The following GPHN variants were observed in gnomAD, a reference collection of about 807,000 sequenced individuals.
GPHN encodes gephyrin.
GPHN carries 17 observed loss-of-function variants against 95.5 expected under a neutral mutation model. The observed-to-expected ratio is 0.18, with a 90% CI of 0.12 to 0.27. GPHN has a LOEUF of 0.27. GPHN is among the 10% of genes least tolerant of loss of function. GPHN has a pLI of 1.00. For missense variants in GPHN, 660 were observed against 978.1 expected, an observed-to-expected ratio of 0.67 and a Z score of 4.34; for synonymous variants, 320 against 322.5, an observed-to-expected ratio of 0.99 and a Z score of 0.08.
chr14:67,158,179 T>C (rs1037899641), intron 18 of GPHN, among the ~76,000 whole-genome samples: 4 of 151,568 alleles, frequency 2.6e-5, no homozygotes, highest in Admixed American at 2.6e-4. Context: ...TAGTGGTGCA[T>C]GCCTGTAATC....
intron 2 of GPHN, among the ~76,000 whole-genome samples, chr14:66,735,549 G>A (rs1349417760): frequency 6.6e-6 from 1 of 152,110 alleles, no homozygotes; most frequent in East Asian, 1.9e-4. Context: ...CTACTAATTT[G>A]TTAGGATATA....
the GPHN span, among the ~76,000 whole-genome samples, chr14:67,392,172 C>T: frequency 2.6e-5 from 4 of 152,186 alleles, no homozygotes. Flanking sequence ...CTTTGACTTG[C>T]TCCTGGAGGC....
chr14:67,013,135 T>C (rs983356972), intron 9 of GPHN, among the ~76,000 whole-genome samples: 2 of 152,078 alleles, frequency 1.3e-5, no homozygotes, highest in African/African-American at 4.8e-5. Flanking sequence ...CAACACATAC[T>C]CTTTTTTATT....
At chr14:67,223,889 C>T in the GPHN span, 6 of 985,656 alleles carry the variant, frequency 6.1e-6, no homozygotes, top group South Asian at 2.3e-4. Context: ...CAAAGACTGG[C>T]TGAATCTTAA....
the GPHN span, among the ~76,000 whole-genome samples, chr14:67,284,248 C>T: frequency 6.6e-6 from 1 of 151,868 alleles, no homozygotes; most frequent in Non-Finnish European, 1.5e-5. Context: ...GTATAATTCA[C>T]ATACCATAAA....
chr14:67,655,303 G>A, the GPHN span, among the ~76,000 whole-genome samples: 2 of 152,038 alleles, frequency 1.3e-5, no homozygotes, highest in Non-Finnish European at 2.9e-5. Flanking sequence ...CTCCAGCCTG[G>A]GTGACAGAGC....
chr14:66,697,836 T>G (rs1308598575), intron 2 of GPHN, among the ~76,000 whole-genome samples: 2 of 151,952 alleles, frequency 1.3e-5, no homozygotes, highest in African/African-American at 4.8e-5. Context: ...TACAGGCATG[T>G]GCCACCACAG....
intron 1 of GPHN, among the ~76,000 whole-genome samples, chr14:66,638,445 GAAC>G (rs932440999): frequency 2.0e-5 from 3 of 151,662 alleles, no homozygotes; most frequent in East Asian, 1.9e-4. Flanking sequence ...AAAACAACAA[GAAC>G]AACAACGACA....
intron 1 of GPHN, among the ~76,000 whole-genome samples, chr14:66,632,142 G>A (rs186573450): frequency 5.3e-5 from 8 of 152,252 alleles, no homozygotes; most frequent in Admixed American, 5.2e-4. Context: ...TATAAAGAGG[G>A]GAGAGCAATG....
At chr14:67,262,574 G>A in the GPHN span, among the ~76,000 whole-genome samples, 3 of 151,984 alleles carry the variant, frequency 2.0e-5, no homozygotes, top group African/African-American at 4.8e-5. Context: ...ATGTGTAAAG[G>A]AATAAAACAT....
At chr14:66,782,464 T>C (rs2153464461) in intron 3 of GPHN, among the ~76,000 whole-genome samples, 1 of 152,270 alleles carries the variant, frequency 6.6e-6, no homozygotes, top group East Asian at 1.9e-4. Flanking sequence ...ATGGAGTAGC[T>C]TTATTCCTTC....
Position 66,973,764 on chromosome 14 carries a change from C to CA in GPHN, c.963+8446dup, listed in dbSNP as rs111461801. Among the ~76,000 whole-genome samples the CA allele has an allele frequency of 3.1e-3, 468 of 151,224 alleles. 10 individuals carry two copies. The highest frequency in any genetic ancestry group is 0.011 in the African/African-American group (443 of 41,236). ...CAGAGCAAGACTCTGTCTCAAAAAACAAAAAAAGAAAAGAAAAAAAGAAAT... is the reference window on the plus strand; with the variant it reads ...CAGAGCAAGACTCTGTCTCAAAAAACAAAAAAAAGAAAAGAAAAAAAGAAAT... On this transcript the variant is annotated intron_variant, in intron 9 of 22. Coordinates refer to ENST00000478722, the MANE Select transcript of GPHN (RefSeq NM_020806.5).
intron 2 of GPHN, among the ~76,000 whole-genome samples, chr14:66,687,565 C>T (rs1327999151): frequency 1.3e-5 from 2 of 150,038 alleles, no homozygotes; most frequent in Non-Finnish European, 3.0e-5. Context: ...CTCGGCTCAC[C>T]GCAACCTCTC....
At chr14:66,581,787 A>G (rs1273409689) in intron 1 of GPHN, among the ~76,000 whole-genome samples, 1 of 152,036 alleles carries the variant, frequency 6.6e-6, no homozygotes, top group Non-Finnish European at 1.5e-5. Flanking sequence ...AAAATTATAA[A>G]AAGAGACACA....
the GPHN span, chr14:67,726,862 C>A: frequency 1.2e-6 from 1 of 810,534 alleles, no homozygotes; most frequent in Non-Finnish European, 2.1e-6. Flanking sequence ...TTACTCATGG[C>A]ATCAAAATTG....
intron 3 of GPHN, among the ~76,000 whole-genome samples, chr14:66,797,969 A>G (rs188448510): frequency 0.012 from 1,792 of 152,000 alleles, 17 homozygotes; most frequent in Non-Finnish European, 0.018. Context: ...TCTGTCATGC[A>G]TGGTTTTTAT....
At chr14:67,510,122 T>G in the GPHN span, among the ~76,000 whole-genome samples, 1 of 152,348 alleles carries the variant, frequency 6.6e-6, no homozygotes, top group Admixed American at 6.5e-5. Context: ...TTGCAGAGCC[T>G]CAGTGTTTCC....
intron 2 of GPHN, among the ~76,000 whole-genome samples, chr14:66,739,739 G>C (rs1008509857): frequency 6.6e-6 from 1 of 151,952 alleles, no homozygotes; most frequent in African/African-American, 2.4e-5. Flanking sequence ...GAAGTACTAT[G>C]AATAAGAATC....
At chr14:67,350,514 T>G in the GPHN span, 1 of 1,044,024 alleles carries the variant, frequency 9.6e-7, no homozygotes, top group African/African-American at 1.6e-5. Flanking sequence ...CATTTGTCCT[T>G]AACGCTTATT....
Sources: allele counts gnomAD v4.1 joint callset (sites outside exome capture counted in the v4.1 genomes callset), GRCh38; gene constraint gnomAD v4.1.1; transcripts MANE v1.5; gene names NCBI Gene and HGNC (gene_info 2026-07-23, HGNC 2026-07-21).